The following MRNIP variants were observed in gnomAD, a reference collection of about 807,000 sequenced individuals.
The protein encoded by MRNIP is MRN complex interacting protein, also known as MRN complex-interacting protein.
Under a neutral mutation model 29.8 loss-of-function variants are expected in MRNIP, and 30 were observed. That is an observed-to-expected ratio of 1.01 (90% CI 0.75 to 1.36). MRNIP has a LOEUF of 1.36. MRNIP is among the 40% of genes most tolerant of loss of function. MRNIP has a pLI of 0.00. For missense variants in MRNIP, 459 were observed against 423.5 expected, an observed-to-expected ratio of 1.08 and a Z score of -0.74; for synonymous variants, 201 against 164.1, an observed-to-expected ratio of 1.23 and a Z score of -1.72.
At chr5:179,849,014 C>G (rs867048264) in intron 2 of MRNIP, among the ~76,000 whole-genome samples, 57 of 132,354 alleles carry the variant, frequency 4.3e-4, no homozygotes, top group Middle Eastern at 4.5e-3. Context: ...GAATTTGAGA[C>G]CATGGGTCCT....
At position 179,848,006 on chromosome 5, in the gene MRNIP, G is replaced by A. The variant is rs769157927; in HGVS notation, c.187C>T (p.Gln63Ter). 12 of 1,613,358 alleles carry A rather than the reference G, an allele frequency of 7.4e-6. No individual in the cohort carries two copies. Among genetic ancestry groups the A allele is most frequent in the Non-Finnish European group, 1.0e-5 (12 of 1,179,576 alleles). ...AGTGGCAGCTCTGAAACTTGTCCCT[G>A]TAGTAGATTTAACTTTTGGACATGG... The part of the protein sequence containing the change: ...RRHVQKLNLL[Q>*]GQVSELPLRS... The change falls in exon 3 of 7, where the codon CAG (glutamine) becomes TAG (stop). Residue 63 changes from glutamine to a stop codon, truncating the protein, a stop_gained. Coordinates refer to ENST00000292586, the MANE Select transcript of MRNIP (RefSeq NM_016175.4). LOFTEE classifies it high-confidence loss of function.
At chr5:179,841,149 A>G (rs951125757) in intron 5 of MRNIP, 190 bp from the exon 6 acceptor site, 3 of 575,922 alleles carry the variant, frequency 5.2e-6, no homozygotes, top group Non-Finnish European at 9.3e-6. Context: ...AGGTGCTAGA[A>G]AGTTTTGTTT....
Position 179,837,585 on chromosome 5 carries a change from T to C in MRNIP, c.838A>G (p.Thr280Ala). Reference sequence around the variant, plus strand: ...GCCCGAGGAAGCTGGACAGCGGCAGTGGGCCTGCTGAGGCCTTCTCTTGAG... The same window carrying C: ...GCCCGAGGAAGCTGGACAGCGGCAGCGGGCCTGCTGAGGCCTTCTCTTGAG... ...QASREGLSRP[T>A]AAVQLPRATH... The change falls in exon 7 of 7, where the codon ACT becomes GCT. Residue 280 changes from threonine to alanine, a missense_variant. By Grantham distance (58) the Thr-to-Ala change is moderately conservative. Coordinates refer to ENST00000292586, the MANE Select transcript of MRNIP (RefSeq NM_016175.4). 1 of 1,614,162 alleles carries C rather than the reference T, an allele frequency of 6.2e-7. No homozygotes were observed. Among genetic ancestry groups the C allele is most frequent in the Non-Finnish European group, 8.5e-7 (1 of 1,179,984 alleles).
intron 1 of MRNIP, among the ~76,000 whole-genome samples, chr5:179,856,906 C>T (rs1391640082): frequency 6.6e-6 from 1 of 151,882 alleles, no homozygotes; most frequent in Non-Finnish European, 1.5e-5. Context: ...CTGGGCAACA[C>T]GGCCGAAACC....
intron 2 of MRNIP, 67 bp from the exon 3 acceptor site, chr5:179,848,133 GAGATGCACCTC>G: frequency 8.4e-7 from 1 of 1,184,412 alleles, no homozygotes. Context: ...AGATCCATTT[GAGATGCACCTC>G]AGGGAGGACA....
At chr5:179,838,161 G>C (rs1328331623) in intron 6 of MRNIP, 2 of 522,082 alleles carry the variant, frequency 3.8e-6, no homozygotes, top group Non-Finnish European at 6.9e-6. Flanking sequence ...GGGGACCTTA[G>C]AATCAGGTTA....
chr5:179,843,532 A>G (rs1313625330), intron 4 of MRNIP, among the ~76,000 whole-genome samples: 2 of 152,098 alleles, frequency 1.3e-5, no homozygotes, highest in Non-Finnish European at 2.9e-5. Context: ...TGAGCCCAGG[A>G]GTTTGAGACC....
At chr5:179,847,157 C>G (rs373799550) in intron 3 of MRNIP, 5 of 111,972 alleles carry the variant, frequency 4.5e-5, no homozygotes, top group African/African-American at 1.6e-4. Flanking sequence ...CTGAGAGTTA[C>G]TTACTTTTTT....
intron 1 of MRNIP, among the ~76,000 whole-genome samples, chr5:179,853,866 C>T (rs1759476917): frequency 6.6e-6 from 1 of 152,000 alleles, no homozygotes; most frequent in Non-Finnish European, 1.5e-5. Context: ...GTGTGTACCA[C>T]CACGCCCAGC....
rs1450898625 is a variant in MRNIP at position 179,847,980 on chromosome 5, G to A, written c.213C>T (p.Leu71=). 6.2e-7 allele frequency: 1 copy of A among 1,604,638 alleles called. No individual in the cohort carries two copies. The highest frequency in any genetic ancestry group is 1.7e-5 in the Admixed American group (1 of 59,686). ...ACGCTCTTCTCAAACAACTGTACCT[G>A]AGTGGCAGCTCTGAAACTTGTCCCT... ...LLQGQVSELP[L]RSLEETVSAS... Residue 71 remains leucine (L), a splice_region_variant and synonymous_variant, in exon 3 of 7, where the codon CTC becomes CTT. Transcript: ENST00000292586.
At chr5:179,846,699 G>A (rs1759145273) in intron 3 of MRNIP, among the ~76,000 whole-genome samples, 1 of 152,126 alleles carries the variant, frequency 6.6e-6, no homozygotes, top group African/African-American at 2.4e-5. Flanking sequence ...TTTTCACACA[G>A]GGTATGTAAA....
chr5:179,843,940 G>T (rs1759018395), intron 4 of MRNIP, among the ~76,000 whole-genome samples: 1 of 152,130 alleles, frequency 6.6e-6, no homozygotes, highest in Non-Finnish European at 1.5e-5. Flanking sequence ...AGAGTCCTTT[G>T]CAGGGTATTG....
At position 179,840,998 on chromosome 5, in the gene MRNIP, C is replaced by G; in HGVS notation, c.450-39G>C. The G allele has an allele frequency of 2.1e-6, 3 of 1,411,400 alleles. No individual in the cohort carries two copies. In the South Asian group the frequency reaches 3.6e-5, roughly 17 times the overall value. 87.4% of individuals were successfully genotyped at this position (1,411,400 alleles called of 1,614,324 possible). A position where few individuals can be genotyped will look rare whatever the true frequency, so the allele number is the denominator to read the frequency against. On this transcript the variant is annotated intron_variant, in intron 5 of 6. Coordinates refer to ENST00000292586, the MANE Select transcript of MRNIP (RefSeq NM_016175.4). ...ACCGTCAGTAGTCCCGTGCTACTCT[C>G]CAGTGGCACCCCGAGCCTGACTCCA...
intron 2 of MRNIP, among the ~76,000 whole-genome samples, chr5:179,852,950 G>A (rs963414440): frequency 2.0e-5 from 3 of 152,194 alleles, no homozygotes; most frequent in African/African-American, 7.2e-5. Flanking sequence ...AACGGCCTCT[G>A]CCCTTCCCCG....
At chr5:179,848,616 A>G (rs1356609825) in intron 2 of MRNIP, among the ~76,000 whole-genome samples, 1 of 152,212 alleles carries the variant, frequency 6.6e-6, no homozygotes, top group Non-Finnish European at 1.5e-5. Flanking sequence ...TTCAAGTGAG[A>G]AGAGACAGGA....
rs1758672550 is a variant in MRNIP at position 179,837,804 on chromosome 5, C to T, written c.619G>A (p.Glu207Lys). ...AGCTCCTTCCCAGGACCCCTCAGCT[C>T]CCCGGCACTGCAGTCTGCAGAGTTC... ...QENSADCSAGELRGPGKELWS... is the reference protein window; with the variant it reads ...QENSADCSAGKLRGPGKELWS... Residue 207 changes from glutamate to lysine, a missense_variant, in exon 7 of 7, where the codon GAG becomes AAG. By Grantham distance (56) the Glu-to-Lys change is moderately conservative. Coordinates refer to ENST00000292586, the MANE Select transcript of MRNIP (RefSeq NM_016175.4). The T allele has an allele frequency of 6.2e-7, 1 of 1,613,918 alleles. No homozygotes were observed. Among genetic ancestry groups the T allele is most frequent in the Non-Finnish European group, 8.5e-7 (1 of 1,180,046 alleles).
Position 179,837,580 on chromosome 5 carries a change from G to A in MRNIP, c.843C>T (p.Ala281=), listed in dbSNP as rs199727564. 153 of 1,614,164 alleles carry A rather than the reference G, an allele frequency of 9.5e-5. No homozygotes were observed. Among genetic ancestry groups the A allele is most frequent in the Middle Eastern group, 4.9e-4 (3 of 6,062 alleles). Residue 281 remains alanine, a synonymous_variant, in exon 7 of 7, where the codon GCC becomes GCT. Coordinates refer to ENST00000292586, the MANE Select transcript of MRNIP (RefSeq NM_016175.4). ...ASREGLSRPT[A]AVQLPRATHP... ...GTGTGGCCCGAGGAAGCTGGACAGC[G>A]GCAGTGGGCCTGCTGAGGCCTTCTC...
chr5:179,845,222 T>A (rs144868571), intron 3 of MRNIP, among the ~76,000 whole-genome samples: 2 of 152,018 alleles, frequency 1.3e-5, no homozygotes, highest in African/African-American at 4.8e-5. Flanking sequence ...TTTTTTGAGA[T>A]GGAGTCTCAC....
chr5:179,840,925 T>C lies in MRNIP; in HGVS notation c.484A>G (p.Ser162Gly), dbSNP rs778979584. The change falls in exon 6 of 7, where the codon AGC becomes GGC. Residue 162 changes from serine (S) to glycine (G), a missense_variant. Coordinates refer to ENST00000292586, the MANE Select transcript of MRNIP (RefSeq NM_016175.4). ...WSRSTVQPPC[S>G]RGVQDSGGSE... Reference sequence around the variant, plus strand: ...CCACCCGAGTCCTGCACGCCACGGCTGCACGGAGGCTGGACGGTGCTCCTG... The same window carrying C: ...CCACCCGAGTCCTGCACGCCACGGCCGCACGGAGGCTGGACGGTGCTCCTG... 13 of 1,611,244 alleles carry C rather than the reference T, an allele frequency of 8.1e-6. No homozygotes were observed. Among genetic ancestry groups the C allele is most frequent in the South Asian group, 2.2e-5 (2 of 90,424 alleles).
Sources: allele counts gnomAD v4.1 joint callset (sites outside exome capture counted in the v4.1 genomes callset), GRCh38; gene constraint gnomAD v4.1.1; transcripts MANE v1.5; gene names NCBI Gene and HGNC (gene_info 2026-07-23, HGNC 2026-07-21).